SLC24A3: variants seen among roughly 807,000 people sequenced by gnomAD.
The protein encoded by SLC24A3 is solute carrier family 24 member 3, also known as sodium/potassium/calcium exchanger 3.
SLC24A3 carries 28 observed loss-of-function variants against 75.8 expected under a neutral mutation model. The ratio of observed to expected loss-of-function variants is 0.37; its 90% CI spans 0.27 to 0.51. The LOEUF (loss-of-function observed/expected upper bound fraction) is 0.51, where lower values mean the gene tolerates loss of function less well. Among genes scored for constraint, SLC24A3 ranks in the 20% least tolerant of loss-of-function variants. The pLI is 0.94. For missense variants in SLC24A3, 663 were observed against 847.8 expected (o/e 0.78, Z 2.71); for synonymous variants, 372 against 334.1 (o/e 1.11, Z -1.24).
At chr20:19,442,664 A>G (rs6112380) in intron 2 of SLC24A3, among the ~76,000 whole-genome samples, 4,558 of 151,934 alleles carry the variant, frequency 0.03, 93 homozygotes, top group Non-Finnish European at 0.045. Flanking sequence ...TTGTCTTTTC[A>G]CTCTCTGAGC....
intron 15 of SLC24A3, among the ~76,000 whole-genome samples, chr20:19,715,635 A>G (rs2033037382): frequency 6.6e-6 from 1 of 152,058 alleles, no homozygotes; most frequent in Admixed American, 6.6e-5. Context: ...TGGTGTCCCT[A>G]TTTTCTGTCC....
chr20:19,716,342 G>T (rs990671043), intron 15 of SLC24A3, among the ~76,000 whole-genome samples: 2 of 151,550 alleles, frequency 1.3e-5, no homozygotes, highest in Non-Finnish European at 1.5e-5. Context: ...CTCTCTACCT[G>T]CTCTGCTTGA....
Position 19,696,823 on chromosome 20 carries a change from G to C in SLC24A3, c.1518G>C (p.Gly506=), listed in dbSNP as rs1338806658. The change falls in exon 14 of 17, where the codon GGG becomes GGC. Residue 506 remains glycine, a synonymous_variant. Transcript: ENST00000328041. ...WMVTIIGYTL[G]IPDVIMGITF... The stretch of plus-strand genomic sequence containing the variant: ...TCACAATCATTGGTTACACCCTGGG[G>C]ATTCCTGACGTCATCATGGGGATCA... The C allele has an allele frequency of 6.2e-7, 1 of 1,614,048 alleles. No homozygotes were observed. The highest frequency in any genetic ancestry group is 8.5e-7 in the Non-Finnish European group (1 of 1,179,972).
Position 19,685,150 on chromosome 20 carries a change from G to A in SLC24A3, c.1113G>A (p.Val371=). The A allele has an allele frequency of 6.2e-7, 1 of 1,613,806 alleles. No homozygotes were observed. The highest frequency in any genetic ancestry group is 8.5e-7 in the Non-Finnish European group (1 of 1,179,720). Residue 371 remains valine, a synonymous_variant, in exon 12 of 17, where the codon GTG becomes GTA. Coordinates refer to ENST00000328041, the MANE Select transcript of SLC24A3 (RefSeq NM_020689.4). The part of the protein sequence containing the change: ...SRAYTNGESE[V]AIKIPIKHTV... ...CTTATACCAACGGGGAATCTGAGGTGGCCATCAAAATCCCAATTAAGCACA... is the reference window on the plus strand; with the variant it reads ...CTTATACCAACGGGGAATCTGAGGTAGCCATCAAAATCCCAATTAAGCACA...
intron 2 of SLC24A3, among the ~76,000 whole-genome samples, chr20:19,381,907 T>C (rs1402333034): frequency 6.6e-6 from 1 of 152,162 alleles, no homozygotes; most frequent in Non-Finnish European, 1.5e-5. Context: ...CTGTTCAGCA[T>C]GGAACAGAAA....
chr20:19,654,350 G>A (rs1425402899), intron 7 of SLC24A3, among the ~76,000 whole-genome samples: 1 of 152,058 alleles, frequency 6.6e-6, no homozygotes, highest in African/African-American at 2.4e-5. Flanking sequence ...TTAGACTTGG[G>A]TTATCTGGGT....
At chr20:19,467,638 T>C (rs1987788755) in intron 2 of SLC24A3, among the ~76,000 whole-genome samples, 2 of 152,112 alleles carry the variant, frequency 1.3e-5, no homozygotes, top group African/African-American at 4.8e-5. Context: ...CCTAGCACTT[T>C]GAGAGCCCGA....
At chr20:19,256,917 C>A (rs1180424280) in intron 1 of SLC24A3, among the ~76,000 whole-genome samples, 1 of 151,848 alleles carries the variant, frequency 6.6e-6, no homozygotes, top group African/African-American at 2.4e-5. Flanking sequence ...AAATTAATGT[C>A]ACCTGTTTGG....
At chr20:19,360,690 T>A (rs962517871) in intron 2 of SLC24A3, among the ~76,000 whole-genome samples, 1 of 152,264 alleles carries the variant, frequency 6.6e-6, no homozygotes, top group Non-Finnish European at 1.5e-5. Flanking sequence ...TGTCTCAACA[T>A]GTGATTGTCA....
At chr20:19,600,294 G>A (rs1265350626) in intron 6 of SLC24A3, among the ~76,000 whole-genome samples, 1 of 152,144 alleles carries the variant, frequency 6.6e-6, no homozygotes, top group African/African-American at 2.4e-5. Context: ...GTTAAGTCCA[G>A]AACACCTACT....
chr20:19,678,376 C>T (rs1341807979), intron 9 of SLC24A3, among the ~76,000 whole-genome samples: 13 of 125,944 alleles, frequency 1.0e-4, no homozygotes, highest in South Asian at 2.4e-4. Flanking sequence ...GGCGGCTGGC[C>T]GGGCAGAGGG....
Position 19,515,542 on chromosome 20 carries a change from C to T in SLC24A3, c.326C>T (p.Ala109Val), listed in dbSNP as rs144636987. The change falls in exon 3 of 17, where the codon GCG becomes GTG. Residue 109 changes from alanine (A) to valine (V), a missense_variant. Ala to Val is a moderately conservative substitution (Grantham distance 64). Coordinates refer to ENST00000328041, the MANE Select transcript of SLC24A3 (RefSeq NM_020689.4). Reference sequence around the variant, plus strand: ...ACAAACGAGGATAGAAGACAAGGTGCGGTGGTCCTCCATGTGCTCTGTGTA... The same window carrying T: ...ACAAACGAGGATAGAAGACAAGGTGTGGTGGTCCTCCATGTGCTCTGTGTA... ...IFTNEDRRQGAVVLHVLCAIY... is the reference protein window; with the variant it reads ...IFTNEDRRQGVVVLHVLCAIY... 3.3e-5 allele frequency: 53 copies of T among 1,613,988 alleles called. No individual in the cohort carries two copies. Among genetic ancestry groups the T allele is most frequent in the Non-Finnish European group, 4.0e-5 (47 of 1,180,000 alleles).
intron 2 of SLC24A3, among the ~76,000 whole-genome samples, chr20:19,504,552 A>G (rs1026038341): frequency 1.3e-5 from 2 of 152,212 alleles, no homozygotes; most frequent in African/African-American, 2.4e-5. Flanking sequence ...AGGAATGGGC[A>G]TTCCTTGTAA....
intron 2 of SLC24A3, among the ~76,000 whole-genome samples, chr20:19,457,580 G>A (rs1208276669): frequency 1.3e-5 from 2 of 152,192 alleles, no homozygotes; most frequent in African/African-American, 4.8e-5. Context: ...GGGAATATTT[G>A]AGAAGTGGTA....
chr20:19,687,685 T>C (rs1051181140), intron 12 of SLC24A3, among the ~76,000 whole-genome samples: 2 of 152,144 alleles, frequency 1.3e-5, no homozygotes, highest in Non-Finnish European at 2.9e-5. Context: ...ATGAAAGATG[T>C]GTGTGTGAGA....
At chr20:19,566,393 C>T (rs1037523921) in intron 3 of SLC24A3, among the ~76,000 whole-genome samples, 1 of 152,196 alleles carries the variant, frequency 6.6e-6, no homozygotes, top group Non-Finnish European at 1.5e-5. Flanking sequence ...TTCTACATTC[C>T]CACACCCTGC....
chr20:19,686,247 G>A (rs557274883), intron 12 of SLC24A3, among the ~76,000 whole-genome samples: 2 of 152,308 alleles, frequency 1.3e-5, no homozygotes, highest in African/African-American at 2.4e-5. Context: ...ACCTAGCCGG[G>A]AGAGCTGTCC....
intron 14 of SLC24A3, 43 bp downstream of exon 14, chr20:19,696,954 G>T (rs1222895975): frequency 1.3e-6 from 1 of 764,230 alleles, no homozygotes; most frequent in Non-Finnish European, 2.2e-6. Flanking sequence ...AGGGAGGGAG[G>T]AGGAGAGGGA....
Position 19,342,268 on chromosome 20 carries a change from C to T in SLC24A3, c.271+61181C>T, listed in dbSNP as rs570135914. ...CCAAGACAGAAAATACTGGCAGTGG[C>T]AAAGATGACTGGGCCATTGGCCAGA... On this transcript the variant is annotated intron_variant, in intron 2 of 16. Coordinates refer to ENST00000328041, the MANE Select transcript of SLC24A3 (RefSeq NM_020689.4). Among the ~76,000 whole-genome samples the T allele has an allele frequency of 4.5e-4, 69 of 152,300 alleles. 1 individual carries two copies. In the South Asian group the frequency reaches 0.014, roughly 32 times the overall value.
Sources: allele counts gnomAD v4.1 joint callset (sites outside exome capture counted in the v4.1 genomes callset), GRCh38; gene constraint gnomAD v4.1.1; transcripts MANE v1.5; gene names NCBI Gene and HGNC (gene_info 2026-07-23, HGNC 2026-07-21).